The following LACTBL1 variants were observed in gnomAD, a reference collection of about 807,000 sequenced individuals.
LACTBL1 encodes beta-lactamase-like protein 1.
In LACTBL1, 29 loss-of-function variants were observed where a neutral mutation model predicts 39.6. The ratio of observed to expected loss-of-function variants is 0.73; its 90% CI spans 0.55 to 1.00. The LOEUF is 1.00. Ranked by LOEUF, LACTBL1 falls within the 50% of genes least tolerant of loss-of-function variation. The pLI is 0.00. For synonymous variants in LACTBL1, 361 were observed against 360.7 expected, an observed-to-expected ratio of 1.00 and a Z score of -0.01; for missense variants, 711 against 748.5, an observed-to-expected ratio of 0.95 and a Z score of 0.59.
chr1:22,956,320 A>G (rs1382142916), intron 4 of LACTBL1, among the ~76,000 whole-genome samples: 4 of 151,570 alleles, frequency 2.6e-5, no homozygotes, highest in African/African-American at 7.3e-5. Context: ...GCAGTGGGCC[A>G]TATTCATGCC....
chr1:22,953,773 T>C, exon 6 of LACTBL1: 4 of 1,495,356 alleles, frequency 2.7e-6, no homozygotes, highest in Non-Finnish European at 3.6e-6. Context: ...CTTGGCCAGG[T>C]CGGCGGCGGT....
chr1:22,962,941 T>G (rs1288400751), intron 2 of LACTBL1, among the ~76,000 whole-genome samples, 166 bp downstream of exon 4: 1 of 152,234 alleles, frequency 6.6e-6, no homozygotes, highest in Non-Finnish European at 1.5e-5. Context: ...CAGGTCAGTG[T>G]CTTCTTCCTG....
chr1:22,962,037 C>T (rs1446686518), intron 2 of LACTBL1, among the ~76,000 whole-genome samples: 10 of 152,128 alleles, frequency 6.6e-5, no homozygotes, highest in Admixed American at 2.0e-4. Context: ...TGAGCCACCG[C>T]GCCTGGCTCT....
upstream of LACTBL1, among the ~76,000 whole-genome samples, chr1:22,966,724 G>GTCCTCAAGCACCTGGAAC (rs1553119590): frequency 6.6e-6 from 1 of 152,128 alleles, no homozygotes; most frequent in Non-Finnish European, 1.5e-5. Context: ...CCACCTGGAA[G>GTCCTCAAGCACCTGGAAC]TCCTCAAGCA....
chr1:22,970,155 T>C (rs1376415423), upstream of LACTBL1, among the ~76,000 whole-genome samples: 6 of 152,222 alleles, frequency 3.9e-5, no homozygotes, highest in Non-Finnish European at 8.8e-5. Flanking sequence ...TCTAGGGTTC[T>C]CACTGAAATC....
At chr1:22,972,374 G>A in the LACTBL1 span, 1 of 985,092 alleles carries the variant, frequency 1.0e-6, no homozygotes, top group Non-Finnish European at 1.2e-6. Flanking sequence ...CACCACAGGA[G>A]ATCCCGTAAG....
Position 22,957,524 on chromosome 1 carries a change from C to A in LACTBL1, c.553+1161G>T, listed in dbSNP as rs72873465. 6.7e-3 allele frequency among the ~76,000 whole-genome samples: 1,023 copies of A among 151,754 alleles called. 11 individuals carry two copies. The highest frequency in any genetic ancestry group is 0.023 in the African/African-American group (961 of 41,356). ...TTACCACAACCTCAGCAACTCAGGG[C>A]GTCATCATGTTCATCTTTGCCAATC... On this transcript the variant is annotated intron_variant, in intron 4 of 5. Transcript: ENST00000426928.
At position 22,954,041 on chromosome 1, in the gene LACTBL1, G is replaced by A; in HGVS notation, c.660-17C>T. ...TAATGGCATCTGGAAGGAGAGCAGT[G>A]GCAAGTGGGACGGGGCCCTTCCTCA... is the stretch of plus-strand genomic sequence containing the variant. On this transcript the variant is annotated splice_polypyrimidine_tract_variant and intron_variant, in intron 5 of 5. Coordinates refer to ENST00000426928, the Ensembl canonical transcript of LACTBL1. 6.6e-7 allele frequency: 1 copy of A among 1,511,226 alleles called. No individual in the cohort carries two copies. The highest frequency in any genetic ancestry group is 1.4e-5 in the African/African-American group (1 of 72,344). The allele number at this position is 1,511,226 out of a possible 1,614,324, so 93.6% of individuals were successfully genotyped here.
the LACTBL1 span, chr1:22,972,386 A>C: frequency 5.1e-6 from 5 of 985,290 alleles, no homozygotes; most frequent in Non-Finnish European, 6.0e-6. Flanking sequence ...TCCCGTAAGC[A>C]GGAAACTGAG....
intron 2 of LACTBL1, among the ~76,000 whole-genome samples, chr1:22,960,913 A>G (rs539177759): frequency 1.3e-5 from 2 of 152,148 alleles, no homozygotes; most frequent in South Asian, 4.2e-4. Context: ...TGGAGTAGCT[A>G]GAAGTACAGG....
chr1:22,961,269 T>C (rs1640819802), intron 2 of LACTBL1, among the ~76,000 whole-genome samples: 1 of 152,220 alleles, frequency 6.6e-6, no homozygotes, highest in East Asian at 1.9e-4. Flanking sequence ...TGAGAGCCTA[T>C]GAGATATGAG....
chr1:22,954,329 G>T lies in LACTBL1; in HGVS notation c.660-305C>A, dbSNP rs538659928. Among the ~76,000 whole-genome samples, 207 of 152,262 alleles carry T rather than the reference G, an allele frequency of 1.4e-3. 6 individuals carry two copies. In the South Asian group the frequency reaches 0.041, roughly 30 times the overall value. On this transcript the variant is annotated intron_variant, in intron 5 of 5. Coordinates refer to ENST00000426928, the Ensembl canonical transcript of LACTBL1. The stretch of plus-strand genomic sequence containing the variant: ...AATCTTATTGGTCCTTCACACTTTA[G>T]TATGATTTACCTTATCTAATGGAAA...
chr1:22,953,344 G>A (rs1640724474), exon 6 of LACTBL1: 5 of 1,229,226 alleles, frequency 4.1e-6, no homozygotes, highest in Non-Finnish European at 5.1e-6. Flanking sequence ...CTCGCCCGCC[G>A]GCCCGGCGCG....
rs57913443 is a variant in LACTBL1 at position 22,961,822 on chromosome 1, C to T, written c.159+1285G>A. Among the ~76,000 whole-genome samples the T allele has an allele frequency of 6.1e-3, 935 of 152,258 alleles. 10 individuals carry two copies. Among genetic ancestry groups the T allele is most frequent in the African/African-American group, 0.021 (876 of 41,554 alleles). ...AGTGCAGTGGCACGATCTCGGCTCA[C>T]TGCAACCTCCGCCTCCTGGGTTCAA... On this transcript the variant is annotated intron_variant, in intron 2 of 5. Transcript: ENST00000426928.
At chr1:22,956,131 G>A (rs980615037) in intron 4 of LACTBL1, among the ~76,000 whole-genome samples, 6 of 151,818 alleles carry the variant, frequency 4.0e-5, no homozygotes, top group Non-Finnish European at 7.4e-5. Flanking sequence ...CCAGCACTCT[G>A]GGAGGCTGAG....
exon 6 of LACTBL1, chr1:22,953,796 G>T: frequency 6.5e-7 from 1 of 1,544,276 alleles, no homozygotes; most frequent in Non-Finnish European, 8.7e-7. Flanking sequence ...AGTACATCTG[G>T]CCCGACGGCC....
At position 22,962,101 on chromosome 1, in the gene LACTBL1, G is replaced by A. The variant is rs1030848826; in HGVS notation, c.159+1006C>T. On this transcript the variant is annotated intron_variant, in intron 2 of 5. Coordinates refer to ENST00000426928, the Ensembl canonical transcript of LACTBL1. ...TTCTCTATAGATAGGGACTCATGAG[G>A]AATGCATGTAAGTGGTTACATGGCA... Among the ~76,000 whole-genome samples, 3 of 152,164 alleles carry A rather than the reference G, an allele frequency of 2.0e-5. No homozygotes were observed. In the South Asian group the frequency reaches 6.2e-4, roughly 32 times the overall value.
intron 3 of LACTBL1, among the ~76,000 whole-genome samples, chr1:22,959,185 A>G (rs309510): frequency 0.98 from 149,781 of 152,352 alleles, 73,640 homozygotes; most frequent in African/African-American, 1. Context: ...GACAGACCTG[A>G]GTTTGGATGG....
Position 22,955,250 on chromosome 1 carries a change from T to C in LACTBL1, c.659+71A>G. ...CAACCTAGGATGAGGTGATGTGGGC[T>C]CTTTGCCAGGCAGGTGTGTCTCCCC... On this transcript the variant is annotated intron_variant, in intron 5 of 5. Transcript: ENST00000426928. 5.6e-6 allele frequency: 7 copies of C among 1,244,768 alleles called. No individual in the cohort carries two copies. In the South Asian group the frequency reaches 8.0e-5, roughly 14 times the overall value. The allele number at this position is 1,244,768 out of a possible 1,614,324, so 77.1% of individuals were successfully genotyped here.
Sources: allele counts gnomAD v4.1 joint callset (sites outside exome capture counted in the v4.1 genomes callset), GRCh38; gene constraint gnomAD v4.1.1; transcripts MANE v1.5; gene names NCBI Gene and HGNC (gene_info 2026-07-23, HGNC 2026-07-21).